Variants in ATP6V0E2 observed in about 807,000 individuals in gnomAD.
ATP6V0E2 encodes the protein V-type proton ATPase subunit e 2.
ATP6V0E2 carries 4 observed loss-of-function variants against 11.5 expected under a neutral mutation model. The ratio of observed to expected loss-of-function variants is 0.35; its 90% CI spans 0.17 to 0.80. ATP6V0E2 has a LOEUF of 0.80. Among genes scored for constraint, ATP6V0E2 ranks in the 30% least tolerant of loss-of-function variants. The pLI is 0.53. For synonymous variants in ATP6V0E2, 52 were observed against 51.0 expected (o/e 1.02, Z -0.09); for missense variants, 93 against 113.5 (o/e 0.82, Z 0.82).
At chr7:149,875,877 G>A in intron 2 of ATP6V0E2, 1 of 684,964 alleles carries the variant, frequency 1.5e-6, no homozygotes. Flanking sequence ...TGGCCCCCAT[G>A]GGCTGTAGTT....
At chr7:149,875,499 A>G (rs1481752271) in intron 1 of ATP6V0E2, 99 bp from the exon 2 acceptor site, 2 of 1,230,506 alleles carry the variant, frequency 1.6e-6, no homozygotes, top group African/African-American at 3.0e-5. Context: ...AGGCCAATGG[A>G]AAAGAGCTCA....
chr7:149,878,007 G>T (rs908854368), intron 2 of ATP6V0E2, among the ~76,000 whole-genome samples: 1 of 152,240 alleles, frequency 6.6e-6, no homozygotes, highest in Non-Finnish European at 1.5e-5. Context: ...AGACAAAGCA[G>T]TGTGGATGTG....
chr7:149,876,007 A>G (rs1203383605), intron 2 of ATP6V0E2: 1 of 499,566 alleles, frequency 2.0e-6, no homozygotes, highest in African/African-American at 1.9e-5. Flanking sequence ...TGAAATTACA[A>G]CTCTCGAGAT....
intron 1 of ATP6V0E2, 41 bp from the exon 2 acceptor site, chr7:149,875,557 C>T (rs1241736103): frequency 6.2e-7 from 1 of 1,610,758 alleles, no homozygotes; most frequent in Non-Finnish European, 8.5e-7. Flanking sequence ...TTGTGAGGTG[C>T]TGGCTGCATT....
rs7799585 is a variant in ATP6V0E2, at chr7:149,880,331, C to T, written c.*1016C>T. The T allele has an allele frequency of 0.65, 98,591 of 152,416 alleles. 32,965 individuals carry two copies. Among genetic ancestry groups the T allele is most frequent in the African/African-American group, 0.81 (33,673 of 41,536 alleles). The allele number at this position is 152,416 out of a possible 1,614,324, so 9.4% of individuals were successfully genotyped here. On this transcript the variant is annotated 3_prime_UTR_variant, in exon 4 of 4. Transcript: ENST00000425642. Reference sequence around the variant, plus strand: ...CTCTCCAGCCTTGCCCTCACGCTTACCCGAGCTCCCAGTGTGGTTAGCACA... The same window carrying T: ...CTCTCCAGCCTTGCCCTCACGCTTATCCGAGCTCCCAGTGTGGTTAGCACA...
At chr7:149,873,564 C>T (rs550808513), upstream of ATP6V0E2, 11 of 202,786 alleles carry the variant, frequency 5.4e-5, no homozygotes, top group East Asian at 1.1e-3. Context: ...TCTCTGAAAG[C>T]GAGGCCGTTC....
In ATP6V0E2 at chr7:149,880,651, G is replaced by T. The variant is rs1586107149; in HGVS notation, c.*1336G>T. 6.6e-6 allele frequency: 1 copy of T among 152,328 alleles called. No individual in the cohort carries two copies. The highest frequency in any genetic ancestry group is 1.9e-4 in the East Asian group (1 of 5,202). The allele number at this position is 152,328 out of a possible 1,614,324, so 9.4% of individuals were successfully genotyped here. On this transcript the variant is annotated 3_prime_UTR_variant, in exon 4 of 4. Transcript: ENST00000425642. The stretch of plus-strand genomic sequence containing the variant: ...GGTAAGGGTGTTGAGTGTGACTTGT[G>T]CTGAAAACCTGGTTCATATATAATA...
chr7:149,875,543 G>T (rs1193490779), intron 1 of ATP6V0E2, 55 bp from the exon 2 acceptor site: 4 of 1,588,184 alleles, frequency 2.5e-6, no homozygotes, highest in East Asian at 4.5e-5. Context: ...GTCCTGGCCA[G>T]GCCTTGTGAG....
rs375054613 is a variant in ATP6V0E2, at chr7:149,879,348, G to A, written c.*33G>A. The A allele has an allele frequency of 3.9e-5, 60 of 1,542,608 alleles. No homozygotes were observed. Among genetic ancestry groups the A allele is most frequent in the Middle Eastern group, 1.7e-4 (1 of 5,786 alleles). ...TGTGCTTTTCAGGTGCCCAGCTCTC[G>A]GAATGACTGTGGCTCCACTGTCCCT... On this transcript the variant is annotated 3_prime_UTR_variant, in exon 4 of 4. Coordinates refer to ENST00000425642, the MANE Select transcript of ATP6V0E2 (RefSeq NM_145230.4).
chr7:149,878,415 T>C (rs6966785), intron 2 of ATP6V0E2, among the ~76,000 whole-genome samples: 60,949 of 152,042 alleles, frequency 0.4, 14,625 homozygotes, highest in African/African-American at 0.68. Context: ...TCCCCTCTTC[T>C]CTAACCCCAG....
rs1803368797 is a variant in ATP6V0E2 at position 149,879,869 on chromosome 7, C to T, written c.*554C>T. ...TGTGAAATTTCTGAAAATGTTGAAG[C>T]AGAGAAACATTCACACACAAAAAGC... is the stretch of plus-strand genomic sequence containing the variant. On this transcript the variant is annotated 3_prime_UTR_variant, in exon 4 of 4. Transcript: ENST00000425642. The T allele has an allele frequency of 7.0e-6, 3 of 431,542 alleles. No homozygotes were observed. In the Admixed American group the frequency reaches 1.3e-4, roughly 19 times the overall value. The allele number at this position is 431,542 out of a possible 1,614,324, so 26.7% of individuals were successfully genotyped here.
chr7:149,873,954 G>A, upstream of ATP6V0E2: 2 of 1,543,654 alleles, frequency 1.3e-6, no homozygotes, highest in Middle Eastern at 1.7e-4. Context: ...TGATCGCTTC[G>A]GGTGCTCGAC....
intron 2 of ATP6V0E2, among the ~76,000 whole-genome samples, chr7:149,877,403 A>T (rs942157404): frequency 6.6e-6 from 1 of 151,960 alleles, no homozygotes. Flanking sequence ...GCTGTGCTTG[A>T]ACTCCTTGGC....
At position 149,880,502 on chromosome 7, in the gene ATP6V0E2, A is replaced by C. The variant is rs1133480; in HGVS notation, c.*1187A>C. 74,862 of 152,344 alleles carry C rather than the reference A, an allele frequency of 0.49. 19,190 individuals are homozygous for C. The highest frequency in any genetic ancestry group is 0.59 in the Middle Eastern group (172 of 294). The allele number at this position is 152,344 out of a possible 1,614,324, so 9.4% of individuals were successfully genotyped here. On this transcript the variant is annotated 3_prime_UTR_variant, in exon 4 of 4. Transcript: ENST00000425642. ...GCATTGTCTTTGGAGCAGCAGGAGA[A>C]TAGGATGCCTCTCACTCACATGCCA... is the stretch of plus-strand genomic sequence containing the variant.
chr7:149,873,847 C>G, upstream of ATP6V0E2: 1 of 1,447,722 alleles, frequency 6.9e-7, no homozygotes, highest in African/African-American at 1.4e-5. Context: ...CTGTCCGCGG[C>G]CCTGCTCAGC....
chr7:149,873,514 A>C (rs1802943061), upstream of ATP6V0E2: 1 of 165,004 alleles, frequency 6.1e-6, no homozygotes. Flanking sequence ...CGTGCTGAGG[A>C]CCCGGCCAGA....
chr7:149,873,787 A>G, upstream of ATP6V0E2: 2 of 1,289,576 alleles, frequency 1.6e-6, no homozygotes, highest in Non-Finnish European at 2.1e-6. Flanking sequence ...GGACCCTATA[A>G]CCCATCGCCG....
At position 149,874,043 on chromosome 7, in the gene ATP6V0E2, G is replaced by A. The variant is rs940979405; in HGVS notation, c.-23G>A. On this transcript the variant is annotated 5_prime_UTR_variant, in exon 1 of 4. Coordinates refer to ENST00000425642, the MANE Select transcript of ATP6V0E2 (RefSeq NM_145230.4). The stretch of plus-strand genomic sequence containing the variant: ...CGCCCGCTGCTCGGCCCTGCATCCT[G>A]CCTGGGCATCCTGCGCCCGGCCATG... The A allele has an allele frequency of 2.6e-6, 4 of 1,549,556 alleles. No individual in the cohort carries two copies. Among genetic ancestry groups the A allele is most frequent in the Non-Finnish European group, 3.5e-6 (4 of 1,146,602 alleles).
chr7:149,879,319 G>C lies in ATP6V0E2; in HGVS notation c.*20-16G>C, dbSNP rs1296655983. The C allele has an allele frequency of 6.6e-7, 1 of 1,513,724 alleles. No homozygotes were observed. The highest frequency in any genetic ancestry group is 2.4e-5 in the East Asian group (1 of 41,322). The allele number at this position is 1,513,724 out of a possible 1,614,324, so 93.8% of individuals were successfully genotyped here. A position where few individuals can be genotyped will look rare whatever the true frequency, so the allele number is the denominator to read the frequency against. On this transcript the variant is annotated splice_polypyrimidine_tract_variant and intron_variant, in intron 3 of 3. Transcript: ENST00000425642. Reference sequence around the variant, plus strand: ...CACTGCAAGGCCGGGACCCTTCCATGTGATGTGCTTTTCAGGTGCCCAGCT... The same window carrying C: ...CACTGCAAGGCCGGGACCCTTCCATCTGATGTGCTTTTCAGGTGCCCAGCT...
Sources: gnomAD v4.1 joint callset for allele counts (sites outside exome capture counted in the v4.1 genomes callset) on GRCh38, gnomAD v4.1.1 for gene constraint, MANE v1.5 for transcripts, NCBI Gene and HGNC (gene_info 2026-07-23, HGNC 2026-07-21) for gene names.